The following USH2A variants were observed in gnomAD, a reference collection of about 807,000 sequenced individuals.
USH2A encodes usherin.
A neutral mutation model predicts 538.9 loss-of-function variants in USH2A; 443 were observed. That is an observed-to-expected ratio of 0.82 (90% CI 0.76 to 0.89). USH2A has a LOEUF of 0.89. Ranked by LOEUF, USH2A falls within the 40% of genes least tolerant of loss-of-function variation. The pLI is 0.00. For synonymous variants in USH2A, 2,413 were observed against 2,273.5 expected (o/e 1.06, Z -1.75); for missense variants, 6,633 against 6,324.8 (o/e 1.05, Z -1.65).
At chr1:215,635,087 T>C (rs192991819) in intron 69 of USH2A, among the ~76,000 whole-genome samples, 3 of 152,310 alleles carry the variant, frequency 2.0e-5, no homozygotes, top group Admixed American at 6.5e-5. Flanking sequence ...TGGATTCTCA[T>C]GAGGGACTGG....
At chr1:216,381,206 A>G (rs889303575) in intron 3 of USH2A, among the ~76,000 whole-genome samples, 2 of 152,142 alleles carry the variant, frequency 1.3e-5, no homozygotes, top group African/African-American at 4.8e-5. Context: ...ACAAGCTAGA[A>G]GCAACTGAAT....
intron 49 of USH2A, among the ~76,000 whole-genome samples, chr1:215,810,348 C>A (rs1369930233): frequency 6.6e-6 from 1 of 151,954 alleles, no homozygotes; most frequent in African/African-American, 2.4e-5. Flanking sequence ...ATTTTGAAAC[C>A]TAACAAAAGT....
intron 9 of USH2A, among the ~76,000 whole-genome samples, chr1:216,315,964 C>T (rs1218650064): frequency 6.6e-6 from 1 of 152,036 alleles, no homozygotes; most frequent in African/African-American, 2.4e-5. Flanking sequence ...TAAAGTGAGC[C>T]TAGTAAATTA....
chr1:216,188,182 T>A (rs866381596), intron 20 of USH2A, among the ~76,000 whole-genome samples: 14 of 151,440 alleles, frequency 9.2e-5, no homozygotes, highest in Middle Eastern at 6.8e-3. Context: ...AGGTACATCA[T>A]CTTTTACGCA....
intron 21 of USH2A, among the ~76,000 whole-genome samples, chr1:216,169,366 C>G (rs549221942): frequency 1.7e-4 from 26 of 152,206 alleles, no homozygotes; most frequent in African/African-American, 6.0e-4. Flanking sequence ...CAGGAATGTA[C>G]TTCAAAATAA....
intron 21 of USH2A, among the ~76,000 whole-genome samples, chr1:216,135,353 A>C (rs1318754269): frequency 6.6e-6 from 1 of 152,064 alleles, no homozygotes; most frequent in African/African-American, 2.4e-5. Context: ...GTCCAGATAC[A>C]AGCTATTATA....
intron 61 of USH2A, among the ~76,000 whole-genome samples, chr1:215,722,934 G>A (rs1370243445): frequency 6.6e-6 from 1 of 152,096 alleles, no homozygotes; most frequent in Non-Finnish European, 1.5e-5. Flanking sequence ...GTGAGAAAAA[G>A]CAAACAAACC....
At chr1:216,045,872 T>A (rs1241817273) in intron 32 of USH2A, among the ~76,000 whole-genome samples, 1 of 152,116 alleles carries the variant, frequency 6.6e-6, no homozygotes, top group African/African-American at 2.4e-5. Flanking sequence ...TTTTCCATAT[T>A]TTTTTAGCTT....
chr1:216,120,219 CAAAAAAAAAAAAAAAAAAAA>C (rs10525093), intron 21 of USH2A, among the ~76,000 whole-genome samples: 1 of 100,070 alleles, frequency 1.0e-5, no homozygotes, highest in Non-Finnish European at 1.9e-5. Flanking sequence ...TACTAAATAG[CAAAAAAAAAAAAAAAAAAAA>C]AAAAAAAAAA....
At position 216,302,907 on chromosome 1, in the gene USH2A, C is replaced by T. The variant is rs192230474; in HGVS notation, c.1645-10537G>A. 1.1e-3 allele frequency among the ~76,000 whole-genome samples: 168 copies of T among 152,056 alleles called. 1 individual carries two copies. The highest frequency in any genetic ancestry group is 3.8e-3 in the African/African-American group (157 of 41,518). On this transcript the variant is annotated intron_variant, in intron 9 of 71. Coordinates refer to ENST00000307340, the MANE Select transcript of USH2A (RefSeq NM_206933.4). ...TCTATATATAAATATAATTGATAGCCTATTTTTTTAAACAGTATTTCCTTA... is the reference window on the plus strand; with the variant it reads ...TCTATATATAAATATAATTGATAGCTTATTTTTTTAAACAGTATTTCCTTA...
intron 3 of USH2A, among the ~76,000 whole-genome samples, chr1:216,382,217 T>C (rs2038933810): frequency 6.6e-6 from 1 of 152,172 alleles, no homozygotes; most frequent in Non-Finnish European, 1.5e-5. Context: ...GCACATTGAG[T>C]AAATTGCGAT....
chr1:215,647,936 A>G (rs1285411146), intron 66 of USH2A, among the ~76,000 whole-genome samples: 3 of 152,212 alleles, frequency 2.0e-5, no homozygotes, highest in Non-Finnish European at 4.4e-5. Context: ...CAGAGAAATG[A>G]TAAGAGAAGT....
chr1:216,196,413 C>T (rs1025267184), intron 19 of USH2A, 140 bp downstream of exon 19: 11 of 840,112 alleles, frequency 1.3e-5, no homozygotes, highest in African/African-American at 8.6e-5. Context: ...GGCTTGTACA[C>T]ATAATATTAT....
At chr1:216,324,073 G>T in intron 7 of USH2A, 95 bp downstream of exon 7, 1 of 1,369,876 alleles carries the variant, frequency 7.3e-7, no homozygotes, top group Non-Finnish European at 1.0e-6. Flanking sequence ...AGTTGGTGGT[G>T]AAGGGAAGTC....
At chr1:215,762,848 G>A (rs1027518790) in intron 56 of USH2A, among the ~76,000 whole-genome samples, 1 of 152,138 alleles carries the variant, frequency 6.6e-6, no homozygotes, top group African/African-American at 2.4e-5. Context: ...TAAACTAGCT[G>A]CAAGGTTAAA....
chr1:215,627,360 TCTCC>T (rs990129358), intron 71 of USH2A, among the ~76,000 whole-genome samples: 10 of 150,882 alleles, frequency 6.6e-5, no homozygotes, highest in African/African-American at 9.7e-5. Context: ...CTTTTCTTTC[TCTCC>T]CTCCCTCCCT....
At chr1:215,861,086 AT>A (rs1368095798) in intron 44 of USH2A, among the ~76,000 whole-genome samples, 1 of 152,178 alleles carries the variant, frequency 6.6e-6, no homozygotes, top group Non-Finnish European at 1.5e-5. Context: ...TTCTTGGGCA[AT>A]AATCCTTCAA....
At chr1:216,190,148 G>C in intron 20 of USH2A, 75 bp downstream of exon 20, 2 of 1,581,288 alleles carry the variant, frequency 1.3e-6, no homozygotes, top group Non-Finnish European at 1.7e-6. Context: ...GTCTCAAGTA[G>C]AGAAGGTGTT....
chr1:216,402,169 T>C (rs1383493004), intron 3 of USH2A, among the ~76,000 whole-genome samples: 2 of 152,078 alleles, frequency 1.3e-5, no homozygotes, highest in Admixed American at 6.6e-5. Flanking sequence ...TGTTAAAAAA[T>C]CCTGAACAAA....
Sources: allele counts gnomAD v4.1 joint callset (sites outside exome capture counted in the v4.1 genomes callset), GRCh38; gene constraint gnomAD v4.1.1; transcripts MANE v1.5; gene names NCBI Gene and HGNC (gene_info 2026-07-23, HGNC 2026-07-21).